DNAH3: variants seen among roughly 807,000 people sequenced by gnomAD.
DNAH3 encodes the protein axonemal beta dynein heavy chain 3.
A neutral mutation model predicts 432.5 loss-of-function variants in DNAH3; 332 were observed. The ratio of observed to expected loss-of-function variants is 0.77; its 90% CI spans 0.70 to 0.84. The LOEUF (loss-of-function observed/expected upper bound fraction) is 0.84. Ranked by LOEUF, DNAH3 falls within the 40% of genes least tolerant of loss-of-function variation. DNAH3 has a pLI of 0.00. For missense variants in DNAH3, 4,861 were observed against 5,114.0 expected (o/e 0.95, Z 1.51); for synonymous variants, 1,956 against 1,900.2 (o/e 1.03, Z -0.76).
intron 55 of DNAH3, among the ~76,000 whole-genome samples, chr16:20,953,007 G>A (rs2084383875): frequency 6.6e-6 from 1 of 152,088 alleles, no homozygotes; most frequent in African/African-American, 2.4e-5. Flanking sequence ...TATTTCCAAG[G>A]GTGTAATGAT....
chr16:20,989,656 T>G (rs534180217), intron 44 of DNAH3, among the ~76,000 whole-genome samples: 1 of 152,242 alleles, frequency 6.6e-6, no homozygotes, highest in Non-Finnish European at 1.5e-5. Context: ...TCCTCAGCCT[T>G]TGGGTGGTCG....
intron 36 of DNAH3, among the ~76,000 whole-genome samples, chr16:21,032,246 C>G (rs369369700): frequency 6.6e-6 from 1 of 151,984 alleles, no homozygotes; most frequent in Non-Finnish European, 1.5e-5. Context: ...AATGAGGAAA[C>G]GGGAAACAGC....
At chr16:21,058,191 A>G (rs1251174242) in exon 27 of DNAH3, 1 of 1,604,302 alleles carries the variant, frequency 6.2e-7, no homozygotes, top group Non-Finnish European at 8.5e-7. Context: ...AGTGATTTCG[A>G]GGGACCTGGA....
At chr16:21,071,033 T>TG (rs1263864254) in intron 21 of DNAH3, among the ~76,000 whole-genome samples, 1 of 151,592 alleles carries the variant, frequency 6.6e-6, no homozygotes, top group Non-Finnish European at 1.5e-5. Flanking sequence ...TACAGGCATA[T>TG]GCCACCATGC....
chr16:20,984,860 CT>C (rs1163998473), intron 48 of DNAH3, among the ~76,000 whole-genome samples, 188 bp downstream of exon 48: 1 of 144,450 alleles, frequency 6.9e-6, no homozygotes, highest in Admixed American at 7.3e-5. Context: ...GCAAGACTGT[CT>C]TTAAAAAAAA....
chr16:21,036,509 G>T (rs2089176801), intron 35 of DNAH3, among the ~76,000 whole-genome samples: 1 of 152,064 alleles, frequency 6.6e-6, no homozygotes, highest in Admixed American at 6.6e-5. Flanking sequence ...CGAACTCCTG[G>T]GCTCAAACGA....
chr16:21,060,016 C>G (rs1258012727), intron 26 of DNAH3, among the ~76,000 whole-genome samples: 2 of 152,176 alleles, frequency 1.3e-5, no homozygotes, highest in African/African-American at 2.4e-5. Flanking sequence ...ACAAAAAGGA[C>G]TGGTCCGTGG....
chr16:20,985,267 G>A (rs1170457047), exon 48 of DNAH3: 2 of 1,614,142 alleles, frequency 1.2e-6, no homozygotes, highest in Non-Finnish European at 8.5e-7. Context: ...CTGGTTGTCG[G>A]CGAAGAGGAA....
At chr16:20,938,594 GAC>G (rs1307062131) in intron 59 of DNAH3, among the ~76,000 whole-genome samples, 1 of 141,620 alleles carries the variant, frequency 7.1e-6, no homozygotes, top group East Asian at 2.1e-4. Context: ...TTGCCCAGAA[GAC>G]ACAGTCACAG....
intron 31 of DNAH3, among the ~76,000 whole-genome samples, chr16:21,048,682 C>T (rs1201329560): frequency 5.3e-5 from 8 of 151,792 alleles, no homozygotes; most frequent in African/African-American, 1.4e-4. Flanking sequence ...TGTTCCTATT[C>T]GGCCATCTTG....
intron 7 of DNAH3, among the ~76,000 whole-genome samples, 192 bp from the exon 9 acceptor site, chr16:21,128,004 G>A (rs116914107): frequency 2.0e-3 from 308 of 152,136 alleles, no homozygotes; most frequent in Non-Finnish European, 3.1e-3. Flanking sequence ...CCTAAAGAAC[G>A]CTTGCAGGGA....
chr16:21,139,060 C>T (rs1269327985), intron 5 of DNAH3, among the ~76,000 whole-genome samples: 1 of 152,138 alleles, frequency 6.6e-6, no homozygotes, highest in Non-Finnish European at 1.5e-5. Context: ...TTATTATACA[C>T]CCTAAACCCA....
chr16:21,154,156 C>T (rs1435033264), intron 1 of DNAH3, among the ~76,000 whole-genome samples: 4 of 152,250 alleles, frequency 2.6e-5, no homozygotes, highest in Non-Finnish European at 5.9e-5. Context: ...ATAATCCCAG[C>T]AGCTGGGGAG....
At chr16:21,084,562 T>G (rs1030024019) in intron 19 of DNAH3, among the ~76,000 whole-genome samples, 2 of 152,146 alleles carry the variant, frequency 1.3e-5, no homozygotes, top group African/African-American at 4.8e-5. Flanking sequence ...GCTCAAGCGA[T>G]CCACTTGCCT....
exon 62 of DNAH3, chr16:20,933,310 A>G (rs750389438): frequency 2.5e-6 from 4 of 1,614,070 alleles, no homozygotes; most frequent in Non-Finnish European, 1.7e-6. Context: ...CTGGACACAC[A>G]TAGATGTCCT....
intron 31 of DNAH3, 89 bp downstream of exon 31, chr16:21,049,480 A>G (rs2089862013): frequency 3.0e-6 from 3 of 993,180 alleles, no homozygotes; most frequent in African/African-American, 1.6e-5. Flanking sequence ...TACAAGAGAT[A>G]TAAGGCCCTG....
intron 58 of DNAH3, among the ~76,000 whole-genome samples, chr16:20,942,664 G>T (rs554809092): frequency 6.6e-6 from 1 of 152,152 alleles, no homozygotes; most frequent in Non-Finnish European, 1.5e-5. Context: ...GTCAGGAGAC[G>T]GTGGCTCTGG....
chr16:21,098,032 A>G (rs549166799), intron 17 of DNAH3, among the ~76,000 whole-genome samples: 50 of 152,378 alleles, frequency 3.3e-4, no homozygotes, highest in Non-Finnish European at 6.2e-4. Context: ...TGCTAAGCAC[A>G]TAATAAATGT....
At chr16:21,154,137 C>T (rs1475257463) in intron 1 of DNAH3, among the ~76,000 whole-genome samples, 1 of 152,212 alleles carries the variant, frequency 6.6e-6, no homozygotes, top group African/African-American at 2.4e-5. Flanking sequence ...GGCGCGGTGG[C>T]CCATGCCTAT....
Sources: allele counts gnomAD v4.1 joint callset (sites outside exome capture counted in the v4.1 genomes callset), GRCh38; gene constraint gnomAD v4.1.1; transcripts MANE v1.5; gene names NCBI Gene and HGNC (gene_info 2026-07-23, HGNC 2026-07-21).